GRID2: variants seen among roughly 807,000 people sequenced by gnomAD.
The protein encoded by GRID2 is glutamate ionotropic receptor delta type subunit 2, also known as glutamate receptor ionotropic, delta-2.
GRID2 carries 33 observed loss-of-function variants against 114.8 expected under a neutral mutation model. That is an observed-to-expected ratio of 0.29 (90% CI 0.22 to 0.38). The LOEUF is 0.38. GRID2 is among the 10% of genes least tolerant of loss of function. GRID2 has a pLI of 1.00. For missense variants in GRID2, 1,184 were observed against 1,257.7 expected (o/e 0.94, Z 0.89); for synonymous variants, 505 against 449.9 (o/e 1.12, Z -1.55).
At chr4:93,091,350 G>T (rs780074067) in intron 3 of GRID2, among the ~76,000 whole-genome samples, 1 of 152,066 alleles carries the variant, frequency 6.6e-6, no homozygotes, top group Non-Finnish European at 1.5e-5. Context: ...AAGAATAAAA[G>T]AATGGCGATC....
intron 8 of GRID2, among the ~76,000 whole-genome samples, chr4:93,333,321 T>C (rs572965488): frequency 6.6e-6 from 1 of 152,320 alleles, no homozygotes; most frequent in East Asian, 1.9e-4. Context: ...GTGATGTTGA[T>C]GCTGCTGGTC....
intron 3 of GRID2, among the ~76,000 whole-genome samples, chr4:93,109,750 A>T (rs1732589434): frequency 6.6e-6 from 1 of 152,162 alleles, no homozygotes; most frequent in Admixed American, 6.5e-5. Context: ...AATCTACTAT[A>T]TTAAGATTAT....
intron 1 of GRID2, among the ~76,000 whole-genome samples, chr4:92,514,230 G>T (rs572932665): frequency 1.3e-5 from 2 of 151,964 alleles, no homozygotes; most frequent in East Asian, 1.9e-4. Flanking sequence ...AATCTGTCAT[G>T]TTCAACCCTT....
intron 1 of GRID2, among the ~76,000 whole-genome samples, chr4:92,467,861 T>C (rs1049076172): frequency 1.3e-5 from 2 of 151,974 alleles, no homozygotes; most frequent in African/African-American, 4.8e-5. Context: ...CAAAAACTTA[T>C]CTGAACAAAT....
intron 14 of GRID2, among the ~76,000 whole-genome samples, chr4:93,665,700 G>C (rs1029280328): frequency 9.9e-5 from 15 of 152,096 alleles, no homozygotes; most frequent in African/African-American, 2.9e-4. Flanking sequence ...CAAATTTTCT[G>C]TATCTTCTTA....
chr4:93,507,526 C>A (rs537462909), intron 12 of GRID2, among the ~76,000 whole-genome samples: 8 of 152,310 alleles, frequency 5.3e-5, no homozygotes, highest in Non-Finnish European at 8.8e-5. Flanking sequence ...ACTTGTTCTG[C>A]TGCTTATCTC....
intron 13 of GRID2, among the ~76,000 whole-genome samples, chr4:93,593,997 T>G (rs1362804424): frequency 1.3e-5 from 2 of 152,028 alleles, no homozygotes; most frequent in Non-Finnish European, 2.9e-5. Flanking sequence ...GCCTTTGGTT[T>G]GAATGTCCTC....
intron 8 of GRID2, among the ~76,000 whole-genome samples, chr4:93,264,253 G>A (rs1018183449): frequency 6.6e-6 from 1 of 152,052 alleles, no homozygotes; most frequent in East Asian, 1.9e-4. Flanking sequence ...CTTCATTAAT[G>A]ATTGCACTAA....
intron 11 of GRID2, among the ~76,000 whole-genome samples, chr4:93,468,722 A>T (rs1201236225): frequency 6.6e-6 from 1 of 152,016 alleles, no homozygotes; most frequent in South Asian, 2.1e-4. Context: ...AGGAATGGAG[A>T]ATTATGGAGT....
chr4:93,220,769 C>T (rs1438179830), intron 6 of GRID2, among the ~76,000 whole-genome samples: 1 of 152,120 alleles, frequency 6.6e-6, no homozygotes, highest in African/African-American at 2.4e-5. Context: ...CATTCTATTC[C>T]TGAAATGCAA....
At chr4:92,877,279 A>G (rs1014370373) in intron 2 of GRID2, among the ~76,000 whole-genome samples, 1 of 152,212 alleles carries the variant, frequency 6.6e-6, no homozygotes, top group Non-Finnish European at 1.5e-5. Context: ...TCAAAGGTTC[A>G]TTCTGCCTTC....
intron 1 of GRID2, among the ~76,000 whole-genome samples, chr4:92,305,875 G>A (rs1157692721): frequency 6.6e-6 from 1 of 152,166 alleles, no homozygotes. Context: ...AGGTTTCTTT[G>A]CTGGGCTGCA....
chr4:93,008,118 C>T (rs991032649), intron 2 of GRID2, among the ~76,000 whole-genome samples: 9 of 150,510 alleles, frequency 6.0e-5, no homozygotes, highest in East Asian at 1.9e-4. Context: ...GCCTAAATAA[C>T]GGAAACAATG....
At chr4:92,994,136 A>G (rs2149207690) in intron 2 of GRID2, among the ~76,000 whole-genome samples, 1 of 152,294 alleles carries the variant, frequency 6.6e-6, no homozygotes, top group East Asian at 1.9e-4. Flanking sequence ...AATTGCATTT[A>G]AATAAGGAAA....
chr4:93,527,683 T>A (rs988500595), intron 13 of GRID2, among the ~76,000 whole-genome samples: 1 of 152,126 alleles, frequency 6.6e-6, no homozygotes, highest in Non-Finnish European at 1.5e-5. Context: ...AAATTTTAAA[T>A]TTTATTTATT....
chr4:93,667,514 T>C (rs1192591156), intron 14 of GRID2, among the ~76,000 whole-genome samples: 1 of 151,976 alleles, frequency 6.6e-6, no homozygotes, highest in Non-Finnish European at 1.5e-5. Flanking sequence ...GTGTCATTGA[T>C]GGGCTTAAAT....
chr4:93,764,251 A>C (rs978366864), intron 14 of GRID2, among the ~76,000 whole-genome samples: 2 of 152,172 alleles, frequency 1.3e-5, no homozygotes, highest in African/African-American at 4.8e-5. Context: ...ATTTATACCA[A>C]TAAAGAAATC....
At chr4:93,156,218 AAC>A (rs1180482730) in intron 4 of GRID2, among the ~76,000 whole-genome samples, 1 of 151,876 alleles carries the variant, frequency 6.6e-6, no homozygotes, top group Non-Finnish European at 1.5e-5. Flanking sequence ...AAATAAATAA[AAC>A]ACATTTTATA....
At chr4:93,325,144 G>A (rs781506482) in intron 8 of GRID2, among the ~76,000 whole-genome samples, 3 of 152,022 alleles carry the variant, frequency 2.0e-5, no homozygotes, top group Non-Finnish European at 4.4e-5. Flanking sequence ...GTCAATTTTA[G>A]TTCTTTCCTG....
Sources: gnomAD v4.1 joint callset for allele counts (sites outside exome capture counted in the v4.1 genomes callset) on GRCh38, gnomAD v4.1.1 for gene constraint, MANE v1.5 for transcripts, NCBI Gene and HGNC (gene_info 2026-07-23, HGNC 2026-07-21) for gene names.